ZNF385D: variants seen among roughly 807,000 people sequenced by gnomAD.
ZNF385D encodes the protein zinc finger protein 385D.
Under a neutral mutation model 35.8 loss-of-function variants are expected in ZNF385D, and 15 were observed. The ratio of observed to expected loss-of-function variants is 0.42; its 90% CI spans 0.28 to 0.64. The LOEUF (loss-of-function observed/expected upper bound fraction) is 0.64. Among genes scored for constraint, ZNF385D ranks in the 30% least tolerant of loss-of-function variants. ZNF385D has a pLI of 0.23. For synonymous variants in ZNF385D, 212 were observed against 186.8 expected (o/e 1.13, Z -1.10); for missense variants, 474 against 494.6 (o/e 0.96, Z 0.39).
At chr3:22,259,594 T>C (rs1700513880) in intron 2 of ZNF385D, among the ~76,000 whole-genome samples, 2 of 151,998 alleles carry the variant, frequency 1.3e-5, no homozygotes. Flanking sequence ...CACTAGCATA[T>C]CAAAAAAATG....
At chr3:22,050,349 A>G (rs912963073) in intron 3 of ZNF385D, among the ~76,000 whole-genome samples, 2 of 152,104 alleles carry the variant, frequency 1.3e-5, no homozygotes, top group African/African-American at 2.4e-5. Flanking sequence ...GTGACAGAGC[A>G]AGACTCTGTC....
At chr3:21,576,007 A>G (rs2063486477) in intron 2 of ZNF385D, among the ~76,000 whole-genome samples, 1 of 152,240 alleles carries the variant, frequency 6.6e-6, no homozygotes, top group Non-Finnish European at 1.5e-5. Flanking sequence ...AAGCAATGGC[A>G]TATGGGAGAA....
chr3:21,775,236 T>A (rs993255999), intron 3 of ZNF385D, among the ~76,000 whole-genome samples: 19 of 151,824 alleles, frequency 1.3e-4, no homozygotes, highest in African/African-American at 4.1e-4. Context: ...TTATGTTTCC[T>A]TTTTTATTAA....
intron 1 of ZNF385D, among the ~76,000 whole-genome samples, chr3:21,726,025 A>G (rs1353287808): frequency 6.6e-6 from 1 of 152,170 alleles, no homozygotes; most frequent in Non-Finnish European, 1.5e-5. Flanking sequence ...GGTTCAACAT[A>G]CACAAATCAA....
intron 2 of ZNF385D, among the ~76,000 whole-genome samples, chr3:22,245,566 T>G (rs1699732175): frequency 6.6e-6 from 1 of 152,074 alleles, no homozygotes; most frequent in Non-Finnish European, 1.5e-5. Context: ...AATTGGTATT[T>G]TAAAGTTGCT....
chr3:22,004,203 T>C (rs950575689), intron 3 of ZNF385D, among the ~76,000 whole-genome samples: 2 of 152,136 alleles, frequency 1.3e-5, no homozygotes, highest in African/African-American at 4.8e-5. Flanking sequence ...GGGGATAGGA[T>C]ACCGTCTTCA....
intron 3 of ZNF385D, among the ~76,000 whole-genome samples, chr3:21,770,670 A>C (rs2071036175): frequency 6.6e-6 from 1 of 152,196 alleles, no homozygotes; most frequent in South Asian, 2.1e-4. Context: ...CCATTGCGGA[A>C]GACAGTGTGG....
At chr3:21,600,873 T>A (rs1318703473) in intron 2 of ZNF385D, among the ~76,000 whole-genome samples, 1 of 117,776 alleles carries the variant, frequency 8.5e-6, no homozygotes, top group African/African-American at 4.4e-5. Flanking sequence ...ATTCTCAAAT[T>A]TAAAAATAAT....
At chr3:21,756,230 G>T (rs973116952) in intron 3 of ZNF385D, among the ~76,000 whole-genome samples, 4 of 152,128 alleles carry the variant, frequency 2.6e-5, no homozygotes, top group Non-Finnish European at 5.9e-5. Flanking sequence ...TAGAAAAAGT[G>T]GTCAGATTCT....
chr3:21,998,542 A>T (rs1268543041), intron 3 of ZNF385D, among the ~76,000 whole-genome samples: 3 of 152,204 alleles, frequency 2.0e-5, no homozygotes, highest in African/African-American at 7.2e-5. Flanking sequence ...ACATCATAGG[A>T]ATTTCTTGTT....
At chr3:21,974,490 A>G (rs1703469097) in intron 3 of ZNF385D, among the ~76,000 whole-genome samples, 1 of 151,848 alleles carries the variant, frequency 6.6e-6, no homozygotes, top group Non-Finnish European at 1.5e-5. Flanking sequence ...AATTGGAAAA[A>G]CTCTCTAGGG....
intron 3 of ZNF385D, among the ~76,000 whole-genome samples, chr3:21,843,215 G>A (rs531798963): frequency 1.3e-5 from 2 of 152,080 alleles, no homozygotes; most frequent in South Asian, 4.1e-4. Flanking sequence ...TAAAGACACT[G>A]AACTTTTGGG....
intron 3 of ZNF385D, among the ~76,000 whole-genome samples, chr3:22,072,575 A>AT (rs1357825174): frequency 6.6e-6 from 1 of 152,008 alleles, no homozygotes; most frequent in East Asian, 1.9e-4. Context: ...AAGGAAAATG[A>AT]TTTTCAAATT....
intron 2 of ZNF385D, among the ~76,000 whole-genome samples, chr3:22,188,158 C>T (rs138777657): frequency 1.2e-3 from 178 of 152,124 alleles, no homozygotes; most frequent in African/African-American, 3.9e-3. Flanking sequence ...TGGACAAAGA[C>T]GAAACCGAAT....
At chr3:22,235,639 A>G (rs902111511) in intron 2 of ZNF385D, among the ~76,000 whole-genome samples, 1 of 152,132 alleles carries the variant, frequency 6.6e-6, no homozygotes, top group African/African-American at 2.4e-5. Flanking sequence ...ATTTCTTTAA[A>G]AAGGAAAAAC....
At chr3:21,972,194 T>C (rs1703300582) in intron 3 of ZNF385D, among the ~76,000 whole-genome samples, 1 of 151,990 alleles carries the variant, frequency 6.6e-6, no homozygotes, top group Admixed American at 6.6e-5. Flanking sequence ...GGATAGACCA[T>C]ATAATAGGAC....
At chr3:21,434,447 G>T (rs1701452101) in intron 5 of ZNF385D, among the ~76,000 whole-genome samples, 1 of 152,048 alleles carries the variant, frequency 6.6e-6, no homozygotes, top group Non-Finnish European at 1.5e-5. Flanking sequence ...TCTTTATTTT[G>T]TTCCCTGGAT....
At chr3:21,710,588 C>T (rs930910349) in intron 1 of ZNF385D, among the ~76,000 whole-genome samples, 2 of 152,122 alleles carry the variant, frequency 1.3e-5, no homozygotes, top group Non-Finnish European at 2.9e-5. Flanking sequence ...ACAGTCCTCG[C>T]ATTTTCTCAG....
At chr3:22,350,444 C>T (rs1240851154) in intron 2 of ZNF385D, among the ~76,000 whole-genome samples, 2 of 151,968 alleles carry the variant, frequency 1.3e-5, no homozygotes, top group East Asian at 1.9e-4. Flanking sequence ...AAATATATTG[C>T]CCTATTAATG....
Sources: gnomAD v4.1 joint callset for allele counts (sites outside exome capture counted in the v4.1 genomes callset) on GRCh38, gnomAD v4.1.1 for gene constraint, MANE v1.5 for transcripts, NCBI Gene and HGNC (gene_info 2026-07-23, HGNC 2026-07-21) for gene names.